ZNF678: variants seen among roughly 807,000 people sequenced by gnomAD.
ZNF678 encodes hypothetical protein MGC42493.
ZNF678 carries 5 observed loss-of-function variants against 3.0 expected under a neutral mutation model. That is an observed-to-expected ratio of 1.69 (90% CI 0.88 to 3.56). The LOEUF (loss-of-function observed/expected upper bound fraction) is 3.56. Ranked by LOEUF, ZNF678 falls within the 30% of genes most tolerant of loss-of-function variation. The pLI, the probability that ZNF678 is intolerant of heterozygous loss-of-function variation, is 0.00. For synonymous variants in ZNF678, 218 were observed against 199.6 expected (o/e 1.09, Z -0.78); for missense variants, 593 against 605.0 (o/e 0.98, Z 0.21).
chr1:227,652,071 G>A (rs753518760), intron 3 of ZNF678, among the ~76,000 whole-genome samples: 25 of 152,154 alleles, frequency 1.6e-4, no homozygotes, highest in Non-Finnish European at 3.1e-4. Flanking sequence ...GGGAAACCTA[G>A]TGGGGAAGGT....
At chr1:227,578,727 A>G (rs1234749543) in intron 1 of ZNF678, among the ~76,000 whole-genome samples, 1 of 152,080 alleles carries the variant, frequency 6.6e-6, no homozygotes, top group Admixed American at 6.5e-5. Flanking sequence ...CCATATTCTG[A>G]ATCCTATTTC....
At chr1:227,593,808 A>G (rs1657483271) in intron 1 of ZNF678, among the ~76,000 whole-genome samples, 1 of 151,552 alleles carries the variant, frequency 6.6e-6, no homozygotes, top group Non-Finnish European at 1.5e-5. Flanking sequence ...CATGGCCCAC[A>G]ACTCTGGATG....
chr1:227,593,240 G>A (rs886803410), intron 1 of ZNF678, among the ~76,000 whole-genome samples: 1 of 152,268 alleles, frequency 6.6e-6, no homozygotes, highest in Non-Finnish European at 1.5e-5. Context: ...ATGTGCACAA[G>A]TATAACAATT....
downstream of ZNF678, among the ~76,000 whole-genome samples, chr1:227,664,473 G>T (rs143287311): frequency 3.3e-5 from 5 of 152,138 alleles, no homozygotes; most frequent in African/African-American, 1.2e-4. Flanking sequence ...TCACAGATGA[G>T]GCCTTACCTG....
chr1:227,601,944 T>G (rs572234626), intron 1 of ZNF678, among the ~76,000 whole-genome samples: 2 of 152,330 alleles, frequency 1.3e-5, no homozygotes, highest in African/African-American at 4.8e-5. Flanking sequence ...CTGAAGTTGT[T>G]TATAACCTTA....
chr1:227,566,537 A>G (rs1435979434), intron 1 of ZNF678, among the ~76,000 whole-genome samples: 1 of 152,240 alleles, frequency 6.6e-6, no homozygotes, highest in African/African-American at 2.4e-5. Flanking sequence ...TTCAGTGAGC[A>G]GAATGAGGGG....
intron 1 of ZNF678, 60 bp downstream of exon 1, chr1:227,563,784 G>T: frequency 7.7e-7 from 1 of 1,296,858 alleles, no homozygotes; most frequent in Admixed American, 2.3e-5. Flanking sequence ...GTCAGCACTA[G>T]AGTCCGCGGC....
At chr1:227,626,892 T>A (rs568773296) in intron 1 of ZNF678, among the ~76,000 whole-genome samples, 2 of 151,914 alleles carry the variant, frequency 1.3e-5, no homozygotes, top group South Asian at 4.2e-4. Flanking sequence ...AATCTGGGAA[T>A]TATTTCATGA....
At chr1:227,601,344 C>T (rs1417257598) in intron 1 of ZNF678, among the ~76,000 whole-genome samples, 1 of 152,008 alleles carries the variant, frequency 6.6e-6, no homozygotes, top group African/African-American at 2.4e-5. Context: ...TTTAATAATA[C>T]TGATTTTTTT....
intron 1 of ZNF678, among the ~76,000 whole-genome samples, chr1:227,569,581 GT>G (rs1020801459): frequency 4.0e-5 from 6 of 151,632 alleles, no homozygotes; most frequent in African/African-American, 1.2e-4. Context: ...TTGTAAATTA[GT>G]TTTTTTTACT....
intron 1 of ZNF678, among the ~76,000 whole-genome samples, chr1:227,605,504 G>A (rs1558140614): frequency 6.6e-6 from 1 of 152,136 alleles, no homozygotes; most frequent in Non-Finnish European, 1.5e-5. Context: ...TATTTGTCTT[G>A]TTCCCAATGT....
intron 1 of ZNF678, among the ~76,000 whole-genome samples, chr1:227,623,226 G>T (rs1658323979): frequency 6.6e-6 from 1 of 152,210 alleles, no homozygotes; most frequent in African/African-American, 2.4e-5. Flanking sequence ...GCCCTTGGCA[G>T]GTGCTCAGTA....
At chr1:227,607,755 AT>A (rs1398241752) in intron 1 of ZNF678, among the ~76,000 whole-genome samples, 1 of 145,972 alleles carries the variant, frequency 6.9e-6, no homozygotes, top group Non-Finnish European at 1.5e-5. Context: ...TATAATATAC[AT>A]TTATTATATA....
Position 227,593,865 on chromosome 1 carries a change from C to A in ZNF678, c.-164+30141C>A, listed in dbSNP as rs113617801. ...GGTGTTATGAGTCCATCCCCCCCCC[C>A]CCTTTTTTTTTTTTTTGATGTACGA... On this transcript the variant is annotated intron_variant, in intron 1 of 3. Transcript: ENST00000343776. Among the ~76,000 whole-genome samples, 17 of 117,206 alleles carry A rather than the reference C, an allele frequency of 1.5e-4. No individual in the cohort carries two copies. In the South Asian group the frequency reaches 1.8e-3, roughly 12 times the overall value. 76.9% of individuals were successfully genotyped at this position (117,206 alleles called of 152,430 possible).
chr1:227,666,446 G>A (rs908911128), downstream of ZNF678, among the ~76,000 whole-genome samples: 8 of 152,096 alleles, frequency 5.3e-5, no homozygotes, highest in Non-Finnish European at 8.8e-5. Context: ...TATAGTCAGC[G>A]TTCACTAATG....
At chr1:227,672,071 A>C (rs560737392) in intron 5 of ZNF678, among the ~76,000 whole-genome samples, 1 of 152,212 alleles carries the variant, frequency 6.6e-6, no homozygotes, top group African/African-American at 2.4e-5. Flanking sequence ...AAAAGTGTAC[A>C]GAGAAGAGAG....
chr1:227,594,819 A>T (rs1657519677), intron 1 of ZNF678, among the ~76,000 whole-genome samples: 1 of 152,130 alleles, frequency 6.6e-6, no homozygotes, highest in African/African-American at 2.4e-5. Flanking sequence ...TTACCATATA[A>T]TACTCTTTTT....
At chr1:227,603,504 G>A (rs140606402) in intron 1 of ZNF678, among the ~76,000 whole-genome samples, 4 of 152,286 alleles carry the variant, frequency 2.6e-5, no homozygotes, top group African/African-American at 9.6e-5. Context: ...AGCCTCAGGT[G>A]TATCTGGCCA....
At chr1:227,573,825 A>G (rs922218169) in intron 1 of ZNF678, among the ~76,000 whole-genome samples, 1 of 151,966 alleles carries the variant, frequency 6.6e-6, no homozygotes, top group Non-Finnish European at 1.5e-5. Context: ...CCCTCCTCCC[A>G]CTTCTACCAT....
Sources: gnomAD v4.1 joint callset for allele counts (sites outside exome capture counted in the v4.1 genomes callset) on GRCh38, gnomAD v4.1.1 for gene constraint, MANE v1.5 for transcripts, NCBI Gene and HGNC (gene_info 2026-07-23, HGNC 2026-07-21) for gene names.